SEPTIN2: variants seen among roughly 807,000 people sequenced by gnomAD.
SEPTIN2 encodes the protein septin 2.
Under a neutral mutation model 46.5 loss-of-function variants are expected in SEPTIN2, and 34 were observed. The ratio of observed to expected loss-of-function variants is 0.73; its 90% CI spans 0.56 to 0.97. The LOEUF is 0.97. Among genes scored for constraint, SEPTIN2 ranks in the 50% least tolerant of loss-of-function variants. The probability of loss-of-function intolerance (pLI) is 0.00; values close to 1 mark genes in which losing one functional copy is unlikely to be tolerated. For synonymous variants in SEPTIN2, 175 were observed against 153.4 expected (o/e 1.14, Z -1.04); for missense variants, 347 against 448.4 (o/e 0.77, Z 2.04).
chr2:241,335,511 C>G, intron 4 of SEPTIN2: 1 of 711,504 alleles, frequency 1.4e-6, no homozygotes, highest in South Asian at 1.8e-5. Flanking sequence ...TGTTTTACAT[C>G]AAAAATGCTG....
chr2:241,352,681 T>G lies in SEPTIN2; in HGVS notation c.*744T>G, dbSNP rs1316646422. On this transcript the variant is annotated 3_prime_UTR_variant, in exon 13 of 13. Transcript: ENST00000391971. ...ACTCACCACAAGCCACCTTTTGTAG[T>G]GTTCTCCACTAATACTGGTTATCCT... The G allele has an allele frequency of 2.0e-5, 3 of 152,216 alleles. No homozygotes were observed. Among genetic ancestry groups the G allele is most frequent in the Non-Finnish European group, 4.4e-5 (3 of 68,038 alleles). 9.4% of individuals were successfully genotyped at this position (152,216 alleles called of 1,614,324 possible).
intron 5 of SEPTIN2, 132 bp downstream of exon 5, chr2:241,336,230 G>C: frequency 1.1e-6 from 1 of 949,274 alleles, no homozygotes; most frequent in East Asian, 2.7e-5. Flanking sequence ...AATTTAAAGC[G>C]TGTTAAATGT....
intron 1 of SEPTIN2, chr2:241,316,587 G>C: frequency 6.9e-7 from 1 of 1,440,156 alleles, no homozygotes; most frequent in Non-Finnish European, 9.2e-7. Context: ...TAGGGTATAG[G>C]GTTGGAGGCC....
chr2:241,344,694 C>T (rs1253026041), intron 9 of SEPTIN2, among the ~76,000 whole-genome samples: 1 of 150,810 alleles, frequency 6.6e-6, no homozygotes, highest in African/African-American at 2.4e-5. Flanking sequence ...CAGAGCGAGA[C>T]TCTGTCTCAA....
intron 1 of SEPTIN2, chr2:241,317,520 G>T (rs1052748986): frequency 1.0e-6 from 1 of 981,332 alleles, no homozygotes. Flanking sequence ...TGCTGTAAAA[G>T]AAGAAGTTGT....
intron 7 of SEPTIN2, among the ~76,000 whole-genome samples, chr2:241,341,039 T>C (rs1360903315): frequency 1.3e-5 from 2 of 152,190 alleles, no homozygotes; most frequent in African/African-American, 4.8e-5. Flanking sequence ...GTTTGTGTGA[T>C]TGGCAATTCT....
At chr2:241,344,817 G>A (rs1221790471) in intron 9 of SEPTIN2, among the ~76,000 whole-genome samples, 1 of 152,178 alleles carries the variant, frequency 6.6e-6, no homozygotes, top group Non-Finnish European at 1.5e-5. Flanking sequence ...TGTACTCCTG[G>A]CATTTTGGGA....
At chr2:241,349,787 C>G (rs1012054821) in intron 11 of SEPTIN2, among the ~76,000 whole-genome samples, 7 of 152,186 alleles carry the variant, frequency 4.6e-5, no homozygotes, top group Admixed American at 6.5e-5. Context: ...CGCCACTGCA[C>G]TCCAGCCTAG....
At chr2:241,329,186 C>G (rs1457197583) in intron 3 of SEPTIN2, among the ~76,000 whole-genome samples, 3 of 151,810 alleles carry the variant, frequency 2.0e-5, no homozygotes, top group Non-Finnish European at 4.4e-5. Flanking sequence ...AGTGCAGTGG[C>G]ACGATCTTGG....
chr2:241,316,603 GT>G, intron 1 of SEPTIN2: 1 of 1,361,994 alleles, frequency 7.3e-7, no homozygotes, highest in South Asian at 1.5e-5. Flanking sequence ...AGGCCGCCGA[GT>G]TGGCCCGGGG....
In SEPTIN2 at chr2:241,353,188, C is replaced by T. The variant is rs1047975092; in HGVS notation, c.*1251C>T. On this transcript the variant is annotated 3_prime_UTR_variant, in exon 13 of 13. Transcript: ENST00000391971. The stretch of plus-strand genomic sequence containing the variant: ...TTCATTCATTTTGTGTAATATAAAC[C>T]GTGTGTCATGTCAAAGTGAAAGACA... The T allele has an allele frequency of 1.3e-5, 2 of 152,116 alleles. No individual in the cohort carries two copies. Among genetic ancestry groups the T allele is most frequent in the African/African-American group, 4.8e-5 (2 of 41,396 alleles). 9.4% of individuals were successfully genotyped at this position (152,116 alleles called of 1,614,324 possible).
intron 4 of SEPTIN2, 70 bp from the exon 5 acceptor site, chr2:241,335,905 T>G: frequency 6.2e-7 from 1 of 1,606,320 alleles, no homozygotes; most frequent in Non-Finnish European, 8.5e-7. Flanking sequence ...TGAAGTCACC[T>G]GTCGTAAGAA....
chr2:241,324,875 C>T (rs990367649), intron 2 of SEPTIN2: 1 of 152,158 alleles, frequency 6.6e-6, no homozygotes, highest in African/African-American at 2.4e-5. Flanking sequence ...TTTAAATCAG[C>T]CTTTGCAAGT....
chr2:241,350,239 A>T (rs1255880738), intron 12 of SEPTIN2, 36 bp downstream of exon 12: 2 of 1,198,550 alleles, frequency 1.7e-6, no homozygotes, highest in Non-Finnish European at 2.2e-6. Context: ...GAAGACAGGC[A>T]GTTACTAACA....
At chr2:241,325,684 G>A (rs555611060) in intron 2 of SEPTIN2, among the ~76,000 whole-genome samples, 17 of 152,208 alleles carry the variant, frequency 1.1e-4, no homozygotes, top group Admixed American at 5.9e-4. Flanking sequence ...ATTTGAAATT[G>A]CATTAAGATG....
chr2:241,328,603 G>C (rs953200237), intron 3 of SEPTIN2, among the ~76,000 whole-genome samples: 1 of 151,904 alleles, frequency 6.6e-6, no homozygotes, highest in African/African-American at 2.4e-5. Flanking sequence ...TTAGCTGGGC[G>C]TGTTGGCACA....
rs73020139 is a variant in SEPTIN2 at position 241,321,107 on chromosome 2, A to C, written c.-17-3109A>C. ...TTAGGCTTTTTTTTATGGTAGATACATGACTTCAAACATTTTTTAAGGTAT... is the reference window on the plus strand; with the variant it reads ...TTAGGCTTTTTTTTATGGTAGATACCTGACTTCAAACATTTTTTAAGGTAT... On this transcript the variant is annotated intron_variant, in intron 1 of 12. Coordinates refer to ENST00000391971, the MANE Select transcript of SEPTIN2 (RefSeq NM_004404.5). 4.1e-3 allele frequency among the ~76,000 whole-genome samples: 628 copies of C among 152,294 alleles called. 2 individuals are homozygous for C. Among genetic ancestry groups the C allele is most frequent in the Non-Finnish European group, 7.3e-3 (498 of 68,024 alleles).
At position 241,353,170 on chromosome 2, in the gene SEPTIN2, A is replaced by G. The variant is rs1312371819; in HGVS notation, c.*1233A>G. On this transcript the variant is annotated 3_prime_UTR_variant, in exon 13 of 13. Transcript: ENST00000391971. ...ATTTTTAGCCATTGTCGTTTCATTCATTTTGTGTAATATAAACCGTGTGTC... is the reference window on the plus strand; with the variant it reads ...ATTTTTAGCCATTGTCGTTTCATTCGTTTTGTGTAATATAAACCGTGTGTC... 1 of 152,146 alleles carries G rather than the reference A, an allele frequency of 6.6e-6. No individual in the cohort carries two copies. Among genetic ancestry groups the G allele is most frequent in the African/African-American group, 2.4e-5 (1 of 41,400 alleles). 9.4% of individuals were successfully genotyped at this position (152,146 alleles called of 1,614,324 possible).
chr2:241,316,787 C>A (rs1421355336), intron 1 of SEPTIN2: 1 of 390,770 alleles, frequency 2.6e-6, no homozygotes, highest in Non-Finnish European at 4.6e-6. Context: ...CACTGAACTT[C>A]TTGTAGTTCA....
Sources: gnomAD v4.1 joint callset for allele counts (sites outside exome capture counted in the v4.1 genomes callset) on GRCh38, gnomAD v4.1.1 for gene constraint, MANE v1.5 for transcripts, NCBI Gene and HGNC (gene_info 2026-07-23, HGNC 2026-07-21) for gene names.